Variants in UMAD1 observed in about 807,000 individuals in gnomAD.
UMAD1 encodes UBAP1-MVB12-associated (UMA) domain containing 1.
UMAD1 carries 8 observed loss-of-function variants against 6.1 expected under a neutral mutation model. That is an observed-to-expected ratio of 1.30 (90% CI 0.76 to 2.35). The LOEUF (loss-of-function observed/expected upper bound fraction) is 2.35. Ranked by LOEUF, UMAD1 falls within the 30% of genes most tolerant of loss-of-function variation. The pLI is 0.00. For missense variants in UMAD1, 130 were observed against 78.4 expected, an observed-to-expected ratio of 1.66 and a Z score of -2.49; for synonymous variants, 56 against 31.4, an observed-to-expected ratio of 1.78 and a Z score of -2.61.
chr7:7,722,509 A>C (rs1410094719), intron 2 of UMAD1, among the ~76,000 whole-genome samples: 2 of 152,182 alleles, frequency 1.3e-5, no homozygotes, highest in African/African-American at 4.8e-5. Context: ...TCTGTACATA[A>C]TACCTTAGGC....
At chr7:7,741,529 A>T (rs1274305039) in intron 2 of UMAD1, among the ~76,000 whole-genome samples, 2 of 151,074 alleles carry the variant, frequency 1.3e-5, no homozygotes. Context: ...GTGAGCCGAG[A>T]TCACATCACT....
chr7:7,818,548 T>A (rs908463237), intron 3 of UMAD1, among the ~76,000 whole-genome samples: 4 of 152,192 alleles, frequency 2.6e-5, no homozygotes, highest in Admixed American at 1.3e-4. Context: ...GAAAAGAGAA[T>A]GCTTATATAC....
intron 1 of UMAD1, among the ~76,000 whole-genome samples, chr7:7,672,813 C>A (rs1583718260): frequency 6.6e-6 from 1 of 152,180 alleles, no homozygotes; most frequent in Admixed American, 6.5e-5. Context: ...TGGACTAATA[C>A]AGGTACAGTG....
At chr7:7,764,302 C>T (rs1368161209) in intron 2 of UMAD1, among the ~76,000 whole-genome samples, 3 of 152,102 alleles carry the variant, frequency 2.0e-5, no homozygotes, top group African/African-American at 7.2e-5. Context: ...AGACCCATAG[C>T]TATCAATATA....
chr7:7,780,134 C>G (rs1211347015), intron 2 of UMAD1, among the ~76,000 whole-genome samples: 1 of 152,230 alleles, frequency 6.6e-6, no homozygotes, highest in Non-Finnish European at 1.5e-5. Context: ...TGACTCTTTG[C>G]TTTCAGAACT....
At chr7:7,727,971 A>G (rs1781173173) in intron 2 of UMAD1, among the ~76,000 whole-genome samples, 4 of 152,052 alleles carry the variant, frequency 2.6e-5, no homozygotes, top group African/African-American at 7.3e-5. Flanking sequence ...AACTCTTTAT[A>G]TATATATATC....
At chr7:7,762,709 G>A (rs939160199) in intron 2 of UMAD1, among the ~76,000 whole-genome samples, 1 of 152,140 alleles carries the variant, frequency 6.6e-6, no homozygotes, top group Non-Finnish European at 1.5e-5. Flanking sequence ...CCCTGTCTTA[G>A]AGTGATATAA....
At chr7:7,661,604 A>C (rs1339704947) in intron 1 of UMAD1, among the ~76,000 whole-genome samples, 2 of 152,148 alleles carry the variant, frequency 1.3e-5, no homozygotes, top group African/African-American at 4.8e-5. Context: ...GGTCCAGTCG[A>C]GACCCTGTTT....
At chr7:7,852,926 ATTTC>A in intron 3 of UMAD1, among the ~76,000 whole-genome samples, 1 of 152,266 alleles carries the variant, frequency 6.6e-6, no homozygotes, top group Middle Eastern at 3.4e-3. Context: ...TCTGTGCAGC[ATTTC>A]TTTCTTCAGG....
At chr7:7,702,618 T>C (rs1158299333) in intron 2 of UMAD1, among the ~76,000 whole-genome samples, 1 of 152,192 alleles carries the variant, frequency 6.6e-6, no homozygotes, top group Non-Finnish European at 1.5e-5. Context: ...CCCTCAAAGA[T>C]GAAAATAAAA....
chr7:7,770,554 TAGAG>T (rs1782079913), intron 2 of UMAD1, among the ~76,000 whole-genome samples: 1 of 151,968 alleles, frequency 6.6e-6, no homozygotes, highest in Non-Finnish European at 1.5e-5. Flanking sequence ...AGGCAGAAAT[TAGAG>T]AGAAAAGACC....
At chr7:7,821,868 C>T (rs1563234232) in intron 3 of UMAD1, among the ~76,000 whole-genome samples, 1 of 151,966 alleles carries the variant, frequency 6.6e-6, no homozygotes, top group Non-Finnish European at 1.5e-5. Context: ...TTTCAGAGAC[C>T]CAATTCATGT....
In UMAD1 at chr7:7,813,033, A is replaced by G. The variant is rs1323601175; in HGVS notation, c.156+11290A>G. 2.6e-5 allele frequency among the ~76,000 whole-genome samples: 4 copies of G among 152,186 alleles called. No individual in the cohort carries two copies. In the East Asian group the frequency reaches 5.8e-4, roughly 22 times the overall value. ...TAGGTATGCACCTGGTCTAACTGAC[A>G]TTATCTGAATATTCCACTTTGTACC... On this transcript the variant is annotated intron_variant, in intron 3 of 3. Transcript: ENST00000682710.
chr7:7,835,745 GTGTA>G (rs1187966801), intron 3 of UMAD1, among the ~76,000 whole-genome samples: 1 of 151,824 alleles, frequency 6.6e-6, no homozygotes, highest in Non-Finnish European at 1.5e-5. Flanking sequence ...TAGCTGATAT[GTGTA>G]TGATCTTACA....
chr7:7,789,348 A>ATTAT (rs1431636094), intron 2 of UMAD1, among the ~76,000 whole-genome samples: 3,916 of 152,288 alleles, frequency 0.026, 184 homozygotes, highest in African/African-American at 0.09. Context: ...CAATGTGAAT[A>ATTAT]TGGAGTAGAG....
chr7:7,658,852 A>G (rs748650514), intron 1 of UMAD1, among the ~76,000 whole-genome samples: 11 of 151,660 alleles, frequency 7.3e-5, no homozygotes, highest in South Asian at 6.2e-4. Flanking sequence ...CTTTTTTTCT[A>G]TTGTTTGGAA....
At position 7,835,540 on chromosome 7, in the gene UMAD1, G is replaced by A. The variant is rs533277990; in HGVS notation, c.156+33797G>A. On this transcript the variant is annotated intron_variant, in intron 3 of 3. Coordinates refer to ENST00000682710, the MANE Select transcript of UMAD1 (RefSeq NM_001302348.2). ...TATAGAAGTGAGCAGGACAGCCGTG[G>A]TCCTTTCTTGGGAAGTTTATTTTCT... Among the ~76,000 whole-genome samples, 13 of 129,860 alleles carry A rather than the reference G, an allele frequency of 1.0e-4. No individual in the cohort carries two copies. The South Asian group carries it at 2.6e-3, about 26-fold the overall frequency. The allele number at this position is 129,860 out of a possible 152,430, so 85.2% of individuals were successfully genotyped here. A position where few individuals can be genotyped will look rare whatever the true frequency, so the allele number is the denominator to read the frequency against.
intron 2 of UMAD1, among the ~76,000 whole-genome samples, chr7:7,795,058 T>C (rs994085217): frequency 5.5e-4 from 84 of 152,344 alleles, no homozygotes; most frequent in African/African-American, 2.0e-3. Flanking sequence ...TAAGAACCCC[T>C]ACTTTGAGAT....
At chr7:7,764,187 G>T (rs1370707704) in intron 2 of UMAD1, among the ~76,000 whole-genome samples, 1 of 152,094 alleles carries the variant, frequency 6.6e-6, no homozygotes, top group Non-Finnish European at 1.5e-5. Context: ...GTTGCCATCT[G>T]GGGGGTCATC....
Sources: allele counts gnomAD v4.1 joint callset (sites outside exome capture counted in the v4.1 genomes callset), GRCh38; gene constraint gnomAD v4.1.1; transcripts MANE v1.5; gene names NCBI Gene and HGNC (gene_info 2026-07-23, HGNC 2026-07-21).